The following PARD3B variants were observed in gnomAD, a reference collection of about 807,000 sequenced individuals.
PARD3B encodes par-3 family cell polarity regulator beta.
A neutral mutation model predicts 130.2 loss-of-function variants in PARD3B; 103 were observed. The observed-to-expected ratio is 0.79, with a 90% CI of 0.67 to 0.93. The LOEUF (loss-of-function observed/expected upper bound fraction) is 0.93. PARD3B is among the 40% of genes least tolerant of loss of function. PARD3B has a pLI of 0.00. For missense variants in PARD3B, 1,609 were observed against 1,499.2 expected (o/e 1.07, Z -1.21); for synonymous variants, 583 against 553.2 (o/e 1.05, Z -0.76).
chr2:204,569,963 G>A (rs1381138326), intron 1 of PARD3B, among the ~76,000 whole-genome samples: 1 of 152,020 alleles, frequency 6.6e-6, no homozygotes, highest in Non-Finnish European at 1.5e-5. Context: ...TCCTGTTTGG[G>A]CCTGGAATAT....
intron 10 of PARD3B, among the ~76,000 whole-genome samples, chr2:205,135,269 C>G (rs1328094231): frequency 2.6e-5 from 4 of 152,154 alleles, no homozygotes. Flanking sequence ...AGGGGACAAC[C>G]TTGATTTGCT....
intron 18 of PARD3B, among the ~76,000 whole-genome samples, chr2:205,349,079 G>A (rs964255150): frequency 3.3e-5 from 5 of 152,128 alleles, no homozygotes; most frequent in Non-Finnish European, 5.9e-5. Flanking sequence ...CCAAATGATA[G>A]CCATTTCCTG....
intron 2 of PARD3B, among the ~76,000 whole-genome samples, chr2:204,812,030 A>G (rs900460174): frequency 3.9e-5 from 6 of 152,124 alleles, no homozygotes; most frequent in African/African-American, 1.2e-4. Context: ...GATTTTTAAT[A>G]ATTTTTCTCC....
At chr2:205,279,177 C>T (rs1022001184) in intron 16 of PARD3B, among the ~76,000 whole-genome samples, 10 of 150,846 alleles carry the variant, frequency 6.6e-5, no homozygotes, top group African/African-American at 2.2e-4. Context: ...AAAGAATTGC[C>T]GAAATAAGTG....
intron 2 of PARD3B, among the ~76,000 whole-genome samples, chr2:204,850,502 A>ATATATATATAGATATATGTG (rs1415716351): frequency 3.3e-5 from 5 of 151,832 alleles, no homozygotes; most frequent in African/African-American, 1.2e-4. Flanking sequence ...AGATATATGT[A>ATATATATATAGATATATGTG]TATATATATG....
rs534513270 is a variant in PARD3B, at chr2:205,015,575, G to A, written c.395-32006G>A. ...TATTGGATGATAGTTGGGGAATTGA[G>A]TGAGTGAACTAATGAAATGAATGAA... On this transcript the variant is annotated intron_variant, in intron 3 of 22. Coordinates refer to ENST00000406610, the MANE Select transcript of PARD3B (RefSeq NM_001302769.2). The surrounding 1 kb of genome is among the most constrained non-coding windows in gnomAD (Gnocchi z 4.5). Among the ~76,000 whole-genome samples, 414 of 152,314 alleles carry A rather than the reference G, an allele frequency of 2.7e-3. 1 individual carries two copies. The highest frequency in any genetic ancestry group is 9.6e-3 in the African/African-American group (400 of 41,578).
chr2:205,175,909 C>G (rs1203872802), intron 12 of PARD3B, among the ~76,000 whole-genome samples: 1 of 152,158 alleles, frequency 6.6e-6, no homozygotes, highest in Non-Finnish European at 1.5e-5. Context: ...GGGGGGAACC[C>G]TCAGGAGAAC....
At chr2:204,963,368 G>GTT (rs1690922602) in intron 2 of PARD3B, among the ~76,000 whole-genome samples, 1 of 151,894 alleles carries the variant, frequency 6.6e-6, no homozygotes, top group Non-Finnish European at 1.5e-5. Flanking sequence ...ATTTTTTCTC[G>GTT]TTTTTCCAGT....
At position 205,178,270 on chromosome 2, in the gene PARD3B, A is replaced by T. The variant is rs548566243; in HGVS notation, c.1924+1693A>T. 1.3e-3 allele frequency among the ~76,000 whole-genome samples: 181 copies of T among 143,836 alleles called. 1 individual carries two copies. Among genetic ancestry groups the T allele is most frequent in the African/African-American group, 4.7e-3 (174 of 36,930 alleles). 94.4% of individuals were successfully genotyped at this position (143,836 alleles called of 152,430 possible). A position where few individuals can be genotyped will look rare whatever the true frequency, so the allele number is the denominator to read the frequency against. On this transcript the variant is annotated intron_variant, in intron 13 of 22. Coordinates refer to ENST00000406610, the MANE Select transcript of PARD3B (RefSeq NM_001302769.2). ...AGCTGACTTTACTTAGTATACAGAT[A>T]AAAAAAAAATACTCAGTATGTCTTT...
At chr2:204,963,981 C>T (rs1037847863) in intron 2 of PARD3B, among the ~76,000 whole-genome samples, 1 of 152,150 alleles carries the variant, frequency 6.6e-6, no homozygotes, top group Non-Finnish European at 1.5e-5. Flanking sequence ...AAAGATCGAA[C>T]TTGAAATTTA....
At chr2:205,003,130 C>T (rs1418727289) in intron 3 of PARD3B, among the ~76,000 whole-genome samples, 2 of 152,198 alleles carry the variant, frequency 1.3e-5, no homozygotes, top group South Asian at 2.1e-4. Flanking sequence ...TCTTCAAAGC[C>T]GGCAATGGCC....
intron 14 of PARD3B, among the ~76,000 whole-genome samples, chr2:205,186,146 C>T (rs1206910086): frequency 1.3e-5 from 2 of 151,840 alleles, no homozygotes; most frequent in African/African-American, 4.8e-5. Flanking sequence ...AAAACTAGAG[C>T]CATGGAGCTC....
intron 1 of PARD3B, among the ~76,000 whole-genome samples, chr2:204,584,307 A>G (rs765520445): frequency 3.9e-5 from 6 of 152,182 alleles, no homozygotes; most frequent in Admixed American, 6.5e-5. Context: ...TTTTTGCGGT[A>G]ATTGAATATT....
chr2:204,554,652 C>G (rs569714380), intron 1 of PARD3B, among the ~76,000 whole-genome samples: 2 of 151,508 alleles, frequency 1.3e-5, no homozygotes, highest in Admixed American at 1.3e-4. Flanking sequence ...TTTCTGCCCC[C>G]GAGACTCCCA....
rs2035493021 is a variant in PARD3B at position 205,176,695 on chromosome 2, G to C, written c.1924+118G>C. The C allele has an allele frequency of 8.9e-7, 1 of 1,129,830 alleles. No individual in the cohort carries two copies. The highest frequency in any genetic ancestry group is 1.2e-6 in the Non-Finnish European group (1 of 833,802). 70.0% of individuals were successfully genotyped at this position (1,129,830 alleles called of 1,614,324 possible). ...GTTAATTAGACTAAGTGCAGACTTT[G>C]TTACTCGGAGTCACAAACACTGAGA... On this transcript the variant is annotated intron_variant, in intron 13 of 22. Coordinates refer to ENST00000406610, the MANE Select transcript of PARD3B (RefSeq NM_001302769.2). The surrounding 1 kb of genome is among the most constrained non-coding windows in gnomAD (Gnocchi z 5.3).
At chr2:204,624,702 T>C (rs2034425940) in intron 1 of PARD3B, among the ~76,000 whole-genome samples, 1 of 152,106 alleles carries the variant, frequency 6.6e-6, no homozygotes, top group South Asian at 2.1e-4. Flanking sequence ...ACAGATAGGT[T>C]TTGTGTGGAC....
chr2:204,791,123 TA>T (rs11456507), intron 2 of PARD3B, among the ~76,000 whole-genome samples: 1 of 149,542 alleles, frequency 6.7e-6, no homozygotes, highest in African/African-American at 2.4e-5. Context: ...AAAAAAAGGA[TA>T]AAAAAAAAAT....
At chr2:205,167,878 A>T (rs2034908486) in intron 11 of PARD3B, among the ~76,000 whole-genome samples, 1 of 152,230 alleles carries the variant, frequency 6.6e-6, no homozygotes, top group African/African-American at 2.4e-5. Flanking sequence ...GTAAGAAATG[A>T]ATGGGCAAAT....
chr2:205,028,317 T>G (rs1230162442), intron 3 of PARD3B, among the ~76,000 whole-genome samples: 1 of 152,184 alleles, frequency 6.6e-6, no homozygotes, highest in Admixed American at 6.6e-5. Flanking sequence ...AAAAATCATA[T>G]GGTTCTCTCA....
Sources: gnomAD v4.1 joint callset for allele counts (sites outside exome capture counted in the v4.1 genomes callset) on GRCh38, gnomAD v4.1.1 for gene constraint, Gnocchi (gnomAD v3.1) non-coding constraint, MANE v1.5 for transcripts, NCBI Gene and HGNC (gene_info 2026-07-23, HGNC 2026-07-21) for gene names.